MEIS2: variants seen among roughly 807,000 people sequenced by gnomAD.
MEIS2 encodes Meis homeobox 2.
Under a neutral mutation model 58.6 loss-of-function variants are expected in MEIS2, and 9 were observed. That is an observed-to-expected ratio of 0.15 (90% CI 0.09 to 0.27). The LOEUF (loss-of-function observed/expected upper bound fraction) is 0.27. Among genes scored for constraint, MEIS2 ranks in the 10% least tolerant of loss-of-function variants. The pLI is 1.00. For missense variants in MEIS2, 427 were observed against 635.0 expected, an observed-to-expected ratio of 0.67 and a Z score of 3.52; for synonymous variants, 221 against 228.4, an observed-to-expected ratio of 0.97 and a Z score of 0.29.
At chr15:36,899,417 T>C (rs2056355391) in intron 9 of MEIS2, among the ~76,000 whole-genome samples, 1 of 152,160 alleles carries the variant, frequency 6.6e-6, no homozygotes, top group Admixed American at 6.5e-5. Flanking sequence ...TACACTGACA[T>C]ACATAACATG....
intron 8 of MEIS2, among the ~76,000 whole-genome samples, chr15:37,033,332 C>T (rs2062007486): frequency 6.6e-6 from 1 of 152,106 alleles, no homozygotes; most frequent in Non-Finnish European, 1.5e-5. Flanking sequence ...TCAAAATGGG[C>T]CAATGGCCCA....
chr15:36,992,987 C>A (rs1362441847), intron 8 of MEIS2, among the ~76,000 whole-genome samples: 2 of 152,016 alleles, frequency 1.3e-5, no homozygotes, highest in Non-Finnish European at 2.9e-5. Flanking sequence ...TAATGGAGAA[C>A]AAATAATGAA....
At chr15:36,915,211 A>G (rs1315710822) in intron 9 of MEIS2, among the ~76,000 whole-genome samples, 1 of 152,108 alleles carries the variant, frequency 6.6e-6, no homozygotes, top group Non-Finnish European at 1.5e-5. Flanking sequence ...AAAAAAAAAA[A>G]AAAGTTGTGT....
intron 7 of MEIS2, among the ~76,000 whole-genome samples, chr15:37,071,423 AATTCATAACTTCTCTTTTCCAGGG>A (rs1216878254): frequency 3.9e-5 from 6 of 152,042 alleles, no homozygotes; most frequent in African/African-American, 1.4e-4. Context: ...CTAGCTTTAC[AATTCATAACTTCTCTTTTCCAGGG>A]ATTCATAACT....
rs184344576 is a variant in MEIS2 at position 37,019,364 on chromosome 15, A to G, written c.900+17450T>C. Among the ~76,000 whole-genome samples, 44 of 152,266 alleles carry G rather than the reference A, an allele frequency of 2.9e-4. No homozygotes were observed. In the East Asian group the frequency reaches 7.9e-3, roughly 27 times the overall value. Reference sequence around the variant, plus strand: ...GGTCATGGGGCAAGTCACTGTCAAAACTTTGATATTTTTACATTCTTTTTG... The same window carrying G: ...GGTCATGGGGCAAGTCACTGTCAAAGCTTTGATATTTTTACATTCTTTTTG... On this transcript the variant is annotated intron_variant, in intron 8 of 11. Transcript: ENST00000561208.
rs142812444 is a variant in MEIS2 at position 36,985,418 on chromosome 15, T to C, written c.901-35018A>G. 8.4e-4 allele frequency among the ~76,000 whole-genome samples: 128 copies of C among 152,296 alleles called. 1 individual carries two copies. The highest frequency in any genetic ancestry group is 3.0e-3 in the African/African-American group (125 of 41,566). ...CTTCTTCTGTCCTTTACCTCATCAT[T>C]TTACTTTCTATTTCATATTTTTGCC... On this transcript the variant is annotated intron_variant, in intron 8 of 11. Coordinates refer to ENST00000561208, the MANE Select transcript of MEIS2 (RefSeq NM_170675.5).
intron 8 of MEIS2, among the ~76,000 whole-genome samples, chr15:36,970,382 C>T (rs549900208): frequency 9.6e-4 from 142 of 147,430 alleles, no homozygotes; most frequent in African/African-American, 3.5e-3. Context: ...CCAGCCTGGG[C>T]GACAGAGCAA....
rs1371391330 is a variant in MEIS2 at position 36,923,138 on chromosome 15, T to C, written c.978-26452A>G. ...GAAGAAAAACAAGCTGCACACACAA[T>C]ACAAAATGCGCTTAATTTCTGGAGG... On this transcript the variant is annotated intron_variant, in intron 9 of 11. Transcript: ENST00000561208. Among the ~76,000 whole-genome samples the C allele has an allele frequency of 2.6e-5, 4 of 152,134 alleles. No homozygotes were observed. In the South Asian group the frequency reaches 6.2e-4, roughly 24 times the overall value.
intron 7 of MEIS2, among the ~76,000 whole-genome samples, chr15:37,055,718 G>A (rs945443983): frequency 2.0e-5 from 3 of 152,086 alleles, no homozygotes; most frequent in Admixed American, 6.6e-5. Flanking sequence ...CGGAAAGCTC[G>A]GCCCTGGTGA....
intron 6 of MEIS2, among the ~76,000 whole-genome samples, chr15:37,087,058 A>G (rs1270721885): frequency 1.3e-5 from 2 of 152,158 alleles, no homozygotes; most frequent in Non-Finnish European, 2.9e-5. Flanking sequence ...TGAATCCTGA[A>G]ACCAAAGTGA....
intron 8 of MEIS2, among the ~76,000 whole-genome samples, chr15:36,957,597 C>T (rs1343906070): frequency 6.6e-6 from 1 of 152,212 alleles, no homozygotes; most frequent in East Asian, 1.9e-4. Flanking sequence ...CTTTCCTCCT[C>T]TCTTGTGTTT....
intron 8 of MEIS2, among the ~76,000 whole-genome samples, chr15:36,969,952 T>C (rs963107247): frequency 6.6e-5 from 10 of 152,144 alleles, no homozygotes; most frequent in African/African-American, 2.4e-4. Context: ...ACAGGGCCCT[T>C]GTCTTCAAAT....
At position 36,989,615 on chromosome 15, in the gene MEIS2, T is replaced by C. The variant is rs1348018190; in HGVS notation, c.901-39215A>G. Reference sequence around the variant, plus strand: ...CAAAACTCTTCCCTGAGATCTTCTCTTTGAAAATGAATGTTAACATTGGTC... The same window carrying C: ...CAAAACTCTTCCCTGAGATCTTCTCCTTGAAAATGAATGTTAACATTGGTC... On this transcript the variant is annotated intron_variant, in intron 8 of 11. Coordinates refer to ENST00000561208, the MANE Select transcript of MEIS2 (RefSeq NM_170675.5). Among the ~76,000 whole-genome samples the C allele has an allele frequency of 4.6e-5, 7 of 152,210 alleles. No homozygotes were observed. In the South Asian group the frequency reaches 1.5e-3, roughly 32 times the overall value.
rs138906974 is a variant in MEIS2, at chr15:36,889,713, G to A, written c.*2460C>T. The A allele has an allele frequency of 8.2e-4, 125 of 152,194 alleles. 1 individual carries two copies. The highest frequency in any genetic ancestry group is 2.8e-3 in the African/African-American group (116 of 41,530). 9.4% of individuals were successfully genotyped at this position (152,194 alleles called of 1,614,324 possible). On this transcript the variant is annotated 3_prime_UTR_variant, in exon 12 of 12. Coordinates refer to ENST00000561208, the MANE Select transcript of MEIS2 (RefSeq NM_170675.5). ...AATTTACTGAGTGGAAAGAAAAAAA[G>A]GTTCTTTTTCCCACCTGATGTGAGA... is the stretch of plus-strand genomic sequence containing the variant.
rs1894772946 is a variant in MEIS2 at position 37,099,104 on chromosome 15, G to A, written c.12+351C>T. Reference sequence around the variant, plus strand: ...GGCAGCGGCGCAGCAGCGGCAGCAGGAGAACCGGGGGAATCGCGCTGCTGG... The same window carrying A: ...GGCAGCGGCGCAGCAGCGGCAGCAGAAGAACCGGGGGAATCGCGCTGCTGG... On this transcript the variant is annotated intron_variant, in intron 1 of 11. Transcript: ENST00000561208. 3.9e-6 allele frequency: 4 copies of A among 1,016,802 alleles called. No homozygotes were observed. The African/African-American group carries it at 5.1e-5, about 13-fold the overall frequency. 63.0% of individuals were successfully genotyped at this position (1,016,802 alleles called of 1,614,324 possible).
At chr15:36,991,960 T>C (rs1057366615) in intron 8 of MEIS2, among the ~76,000 whole-genome samples, 1 of 150,332 alleles carries the variant, frequency 6.7e-6, no homozygotes, top group African/African-American at 2.4e-5. Context: ...GCTAATTTTT[T>C]GTATTTTTAG....
intron 8 of MEIS2, among the ~76,000 whole-genome samples, chr15:37,003,559 A>T (rs185570576): frequency 7.2e-5 from 11 of 152,302 alleles, no homozygotes; most frequent in African/African-American, 2.6e-4. Context: ...AGAAATTAGT[A>T]GTTCTTACTA....
At chr15:37,043,600 A>T (rs112734917) in intron 7 of MEIS2, among the ~76,000 whole-genome samples, 61 of 151,946 alleles carry the variant, frequency 4.0e-4, no homozygotes, top group African/African-American at 1.4e-3. Flanking sequence ...GGATACATAT[A>T]TACATTTACA....
chr15:37,079,964 A>C (rs1237568945), intron 7 of MEIS2, among the ~76,000 whole-genome samples: 1 of 152,172 alleles, frequency 6.6e-6, no homozygotes, highest in Non-Finnish European at 1.5e-5. Flanking sequence ...ATTTCTGGGA[A>C]TCCTGCCTAT....
Sources: allele counts gnomAD v4.1 joint callset (sites outside exome capture counted in the v4.1 genomes callset), GRCh38; gene constraint gnomAD v4.1.1; transcripts MANE v1.5; gene names NCBI Gene and HGNC (gene_info 2026-07-23, HGNC 2026-07-21).